MAML2: variants seen among roughly 807,000 people sequenced by gnomAD.
MAML2 encodes mastermind like transcriptional coactivator 2.
MAML2 carries 22 observed loss-of-function variants against 96.1 expected under a neutral mutation model. The observed-to-expected ratio is 0.23, with a 90% CI of 0.16 to 0.33. The LOEUF is 0.33. Ranked by LOEUF, MAML2 falls within the 10% of genes least tolerant of loss-of-function variation. The pLI is 1.00. For missense variants in MAML2, 1,367 were observed against 1,392.4 expected (o/e 0.98, Z 0.29); for synonymous variants, 561 against 521.3 (o/e 1.08, Z -1.04).
intron 2 of MAML2, among the ~76,000 whole-genome samples, chr11:96,014,970 C>T (rs1055831613): frequency 2.6e-5 from 4 of 152,184 alleles, no homozygotes; most frequent in African/African-American, 4.8e-5. Flanking sequence ...GCACTTTATA[C>T]ACGATCACAT....
chr11:96,310,939 A>G (rs887818471), intron 1 of MAML2, among the ~76,000 whole-genome samples: 2 of 152,240 alleles, frequency 1.3e-5, no homozygotes, highest in Non-Finnish European at 2.9e-5. Flanking sequence ...AAGTGGCAAT[A>G]AATAGCCCAA....
intron 1 of MAML2, among the ~76,000 whole-genome samples, chr11:96,301,916 T>C (rs1202832439): frequency 6.6e-6 from 1 of 152,250 alleles, no homozygotes; most frequent in Non-Finnish European, 1.5e-5. Flanking sequence ...AGTTGCATTT[T>C]GGCTACAAGA....
At chr11:96,319,496 C>T (rs1473708520) in intron 1 of MAML2, among the ~76,000 whole-genome samples, 1 of 152,202 alleles carries the variant, frequency 6.6e-6, no homozygotes, top group Non-Finnish European at 1.5e-5. Flanking sequence ...ATCTTCTGAA[C>T]AAAAAGTCAT....
At chr11:95,987,139 T>C (rs1857840373) in intron 3 of MAML2, among the ~76,000 whole-genome samples, 1 of 152,166 alleles carries the variant, frequency 6.6e-6, no homozygotes, top group Non-Finnish European at 1.5e-5. Context: ...TAAAGTCAAT[T>C]CTAACTGAAT....
At chr11:96,222,997 A>G (rs986034975) in intron 1 of MAML2, among the ~76,000 whole-genome samples, 2 of 152,166 alleles carry the variant, frequency 1.3e-5, no homozygotes, top group African/African-American at 4.8e-5. Context: ...AGTAGCACAA[A>G]AGCTAACCTT....
intron 1 of MAML2, among the ~76,000 whole-genome samples, chr11:96,318,274 A>T (rs902930410): frequency 1.3e-5 from 2 of 152,224 alleles, no homozygotes; most frequent in Non-Finnish European, 2.9e-5. Flanking sequence ...GACAAAACTG[A>T]GGCTCAGATG....
chr11:96,046,969 A>G (rs1370702517), intron 2 of MAML2, among the ~76,000 whole-genome samples: 1 of 152,216 alleles, frequency 6.6e-6, no homozygotes, highest in Non-Finnish European at 1.5e-5. Context: ...CTCTTGAGTA[A>G]GAGCTTAGCC....
chr11:96,268,655 G>A (rs1389372888), intron 1 of MAML2, among the ~76,000 whole-genome samples: 1 of 152,184 alleles, frequency 6.6e-6, no homozygotes, highest in Non-Finnish European at 1.5e-5. Context: ...TGTCATGGGA[G>A]GGACCCAGTG....
intron 1 of MAML2, among the ~76,000 whole-genome samples, chr11:96,247,535 AATACAAC>A (rs1442240856): frequency 6.6e-6 from 1 of 152,146 alleles, no homozygotes; most frequent in Non-Finnish European, 1.5e-5. Flanking sequence ...ACCCTGTTTA[AATACAAC>A]TTTGTCCACT....
chr11:96,295,984 CTAA>C (rs1057182696), intron 1 of MAML2, among the ~76,000 whole-genome samples: 14 of 141,272 alleles, frequency 9.9e-5, no homozygotes, highest in Admixed American at 2.8e-4. Context: ...ACACACGAAA[CTAA>C]TGTTTCAGCA....
At chr11:96,085,421 G>A in intron 2 of MAML2, among the ~76,000 whole-genome samples, 1 of 152,058 alleles carries the variant, frequency 6.6e-6, no homozygotes, top group East Asian at 1.9e-4. Context: ...GCCTCCTTTG[G>A]ATTTCACAAA....
intron 1 of MAML2, among the ~76,000 whole-genome samples, chr11:96,261,179 A>G (rs924037435): frequency 6.6e-6 from 1 of 152,100 alleles, no homozygotes; most frequent in Non-Finnish European, 1.5e-5. Flanking sequence ...TTAATGGGTT[A>G]TGATGGGAGG....
At chr11:96,224,908 A>G (rs1457684883) in intron 1 of MAML2, among the ~76,000 whole-genome samples, 2 of 152,272 alleles carry the variant, frequency 1.3e-5, no homozygotes, top group African/African-American at 4.8e-5. Context: ...TCAAAATGAC[A>G]TTATTTATAC....
intron 1 of MAML2, among the ~76,000 whole-genome samples, chr11:96,328,643 G>A (rs562068209): frequency 2.0e-5 from 3 of 152,208 alleles, no homozygotes; most frequent in African/African-American, 4.8e-5. Flanking sequence ...CTGTGTTACC[G>A]TAAAAATTCT....
chr11:96,052,621 C>A (rs886093389), intron 2 of MAML2, among the ~76,000 whole-genome samples: 2 of 152,210 alleles, frequency 1.3e-5, no homozygotes, highest in South Asian at 2.1e-4. Flanking sequence ...TCCACCAGAG[C>A]TGTCTTGTCT....
chr11:96,146,024 A>G (rs61901871), intron 1 of MAML2, among the ~76,000 whole-genome samples: 14,806 of 152,182 alleles, frequency 0.097, 764 homozygotes, highest in South Asian at 0.12. Flanking sequence ...AAAAAATTGT[A>G]TACTTACACG....
intron 1 of MAML2, among the ~76,000 whole-genome samples, chr11:96,335,041 C>T (rs1863901338): frequency 6.6e-6 from 1 of 152,204 alleles, no homozygotes; most frequent in African/African-American, 2.4e-5. Context: ...CCGTCAGCAT[C>T]CAAGCATCAT....
chr11:96,332,263 C>G (rs905493931), intron 1 of MAML2, among the ~76,000 whole-genome samples: 1 of 152,168 alleles, frequency 6.6e-6, no homozygotes, highest in Non-Finnish European at 1.5e-5. Context: ...CTAAGCAGAT[C>G]GGAGAGGTGA....
chr11:96,059,715 T>A (rs922110067), intron 2 of MAML2, among the ~76,000 whole-genome samples: 1 of 152,204 alleles, frequency 6.6e-6, no homozygotes, highest in Non-Finnish European at 1.5e-5. Context: ...GAACATCATG[T>A]CGGCACTCAA....
Sources: gnomAD v4.1 joint callset for allele counts (sites outside exome capture counted in the v4.1 genomes callset) on GRCh38, gnomAD v4.1.1 for gene constraint, MANE v1.5 for transcripts, NCBI Gene and HGNC (gene_info 2026-07-23, HGNC 2026-07-21) for gene names.